VEZT: variants seen among roughly 807,000 people sequenced by gnomAD.
VEZT encodes the protein vezatin, adherens junctions transmembrane protein.
A neutral mutation model predicts 79.9 loss-of-function variants in VEZT; 39 were observed. The ratio of observed to expected loss-of-function variants is 0.49; its 90% CI spans 0.38 to 0.64. VEZT has a LOEUF of 0.64. Among genes scored for constraint, VEZT ranks in the 30% least tolerant of loss-of-function variants. The probability of loss-of-function intolerance (pLI) is 0.00; values close to 1 mark genes in which losing one functional copy is unlikely to be tolerated. For missense variants in VEZT, 837 were observed against 893.1 expected, an observed-to-expected ratio of 0.94 and a Z score of 0.80; for synonymous variants, 325 against 327.6, an observed-to-expected ratio of 0.99 and a Z score of 0.09.
chr12:95,255,223 C>T (rs2063275005), intron 2 of VEZT, among the ~76,000 whole-genome samples: 1 of 151,978 alleles, frequency 6.6e-6, no homozygotes. Context: ...ACCCCCAAAA[C>T]AAACAAACAA....
chr12:95,302,723 G>T lies in VEZT; in HGVS notation c.*2050G>T, dbSNP rs1478413861. 6.6e-6 allele frequency: 1 copy of T among 152,042 alleles called. No homozygotes were observed. The highest frequency in any genetic ancestry group is 1.5e-5 in the Non-Finnish European group (1 of 68,012). The allele number at this position is 152,042 out of a possible 1,614,324, so 9.4% of individuals were successfully genotyped here. Reference sequence around the variant, plus strand: ...GCAAATTTTAGACCATACTCCCAGTGATTCTTAGTTGGTCTTTTTGGAATG... The same window carrying T: ...GCAAATTTTAGACCATACTCCCAGTTATTCTTAGTTGGTCTTTTTGGAATG... On this transcript the variant is annotated 3_prime_UTR_variant, in exon 12 of 12. Coordinates refer to ENST00000436874, the MANE Select transcript of VEZT (RefSeq NM_017599.4).
At chr12:95,257,014 A>C (rs1213057989) in intron 2 of VEZT, 136 bp from the exon 3 acceptor site, 1 of 634,466 alleles carries the variant, frequency 1.6e-6, no homozygotes, top group East Asian at 2.9e-5. Context: ...TGTACTGACA[A>C]GGTATATAAC....
At chr12:95,279,572 G>A (rs1316504088) in intron 7 of VEZT, among the ~76,000 whole-genome samples, 1 of 152,204 alleles carries the variant, frequency 6.6e-6, no homozygotes, top group Non-Finnish European at 1.5e-5. Flanking sequence ...TGGTTTAAGT[G>A]GGTAATGTGA....
At position 95,300,483 on chromosome 12, in the gene VEZT, C is replaced by T. The variant is rs200702135; in HGVS notation, c.2150C>T (p.Ser717Leu). The change falls in exon 12 of 12, where the codon TCA becomes TTA. Residue 717 changes from serine (S) to leucine (L), a missense_variant. Coordinates refer to ENST00000436874, the MANE Select transcript of VEZT (RefSeq NM_017599.4). ...LTTAPPTPRD[S>L]LQPSIKQRLA... Reference sequence around the variant, plus strand: ...ACTGCCCCTCCAACTCCCAGGGACTCATTACAGCCCTCCATTAAGCAGAGG... The same window carrying T: ...ACTGCCCCTCCAACTCCCAGGGACTTATTACAGCCCTCCATTAAGCAGAGG... 10 of 1,613,848 alleles carry T rather than the reference C, an allele frequency of 6.2e-6. No homozygotes were observed. Among genetic ancestry groups the T allele is most frequent in the Middle Eastern group, 1.6e-4 (1 of 6,084 alleles).
intron 11 of VEZT, chr12:95,296,687 A>T (rs1357626979): frequency 6.5e-6 from 1 of 153,890 alleles, no homozygotes; most frequent in Non-Finnish European, 1.4e-5. Context: ...TGCTTGTAAT[A>T]TCAGCACGTT....
Position 95,302,491 on chromosome 12 carries a change from CAT to C in VEZT, c.*1820_*1821del, listed in dbSNP as rs2075317694. On this transcript the variant is annotated 3_prime_UTR_variant, in exon 12 of 12. Transcript: ENST00000436874. ...AAAACTCTACTTGTTGAAATTATGA[CAT>C]AAAGATCTTGCAGCTTTATTTGAGT... The C allele has an allele frequency of 6.6e-6, 1 of 152,110 alleles. No individual in the cohort carries two copies. The highest frequency in any genetic ancestry group is 2.1e-4 in the South Asian group (1 of 4,824). 9.4% of individuals were successfully genotyped at this position (152,110 alleles called of 1,614,324 possible).
chr12:95,290,430 C>T (rs563073423), intron 9 of VEZT, among the ~76,000 whole-genome samples: 1 of 152,258 alleles, frequency 6.6e-6, no homozygotes, highest in East Asian at 1.9e-4. Context: ...CTGTTACATC[C>T]ATCCATACAG....
chr12:95,249,300 G>GT (rs1057036575), intron 1 of VEZT, among the ~76,000 whole-genome samples: 30 of 151,740 alleles, frequency 2.0e-4, no homozygotes, highest in African/African-American at 3.6e-4. Flanking sequence ...TAAAAACAAT[G>GT]TTTTTTTTTA....
chr12:95,238,143 A>G (rs1158125093), intron 1 of VEZT, among the ~76,000 whole-genome samples: 1 of 152,202 alleles, frequency 6.6e-6, no homozygotes, highest in Non-Finnish European at 1.5e-5. Flanking sequence ...AATTTTTCTC[A>G]AAGAGACAAT....
intron 6 of VEZT, among the ~76,000 whole-genome samples, chr12:95,274,011 C>T (rs2067141599): frequency 6.6e-6 from 1 of 152,124 alleles, no homozygotes; most frequent in African/African-American, 2.4e-5. Context: ...ATAGAACAGG[C>T]CTGGTGCCAC....
intron 4 of VEZT, chr12:95,263,915 G>A (rs1390478820): frequency 6.6e-6 from 1 of 151,976 alleles, no homozygotes; most frequent in Admixed American, 6.6e-5. Flanking sequence ...GTCTAGAGCA[G>A]AAGTCCCAAG....
At chr12:95,276,261 T>C (rs989303505) in intron 7 of VEZT, among the ~76,000 whole-genome samples, 1 of 28,330 alleles carries the variant, frequency 3.5e-5, no homozygotes, top group African/African-American at 2.0e-4. Context: ...ATTTTTTTCT[T>C]TTTTTTTTTT....
At chr12:95,241,117 C>T (rs1477192511) in intron 1 of VEZT, among the ~76,000 whole-genome samples, 9 of 152,108 alleles carry the variant, frequency 5.9e-5, no homozygotes, top group African/African-American at 7.2e-5. Flanking sequence ...CTGCAGCCTC[C>T]GCCTCCCGGG....
chr12:95,279,750 C>G (rs1421904767), intron 7 of VEZT, among the ~76,000 whole-genome samples: 2 of 152,134 alleles, frequency 1.3e-5, no homozygotes, highest in African/African-American at 2.4e-5. Context: ...TGCCACCATG[C>G]CTGACTAATT....
At chr12:95,227,180 T>C (rs982414253) in intron 1 of VEZT, among the ~76,000 whole-genome samples, 2 of 152,158 alleles carry the variant, frequency 1.3e-5, no homozygotes, top group African/African-American at 2.4e-5. Context: ...AACTGTTTTT[T>C]AGACAGGGTC....
chr12:95,247,919 T>C (rs2061937905), intron 1 of VEZT, among the ~76,000 whole-genome samples: 1 of 152,198 alleles, frequency 6.6e-6, no homozygotes, highest in Admixed American at 6.5e-5. Context: ...ATATGAAATA[T>C]AATAGTAGAT....
At chr12:95,240,445 A>G (rs989770802) in intron 1 of VEZT, among the ~76,000 whole-genome samples, 5 of 152,210 alleles carry the variant, frequency 3.3e-5, no homozygotes, top group African/African-American at 7.2e-5. Flanking sequence ...TAGCTCAGCT[A>G]TTCTTAAAGT....
intron 8 of VEZT, chr12:95,286,484 G>C (rs2070915750): frequency 1.8e-6 from 1 of 552,488 alleles, no homozygotes; most frequent in African/African-American, 1.9e-5. Flanking sequence ...ATTCTTTCAG[G>C]ATCAAGACCT....
chr12:95,270,146 A>G lies in VEZT; in HGVS notation c.806A>G (p.Asn269Ser), dbSNP rs1278216581. 4 of 1,610,930 alleles carry G rather than the reference A, an allele frequency of 2.5e-6. No individual in the cohort carries two copies. Among genetic ancestry groups the G allele is most frequent in the Non-Finnish European group, 3.4e-6 (4 of 1,178,684 alleles). The stretch of plus-strand genomic sequence containing the variant: ...GCTGTCTACCGAACTCTAAGAGCCA[A>G]CTTCCAAGCAGCAAGGCTAGCTACC... ...RKAVYRTLRA[N>S]FQAARLATLY... Residue 269 changes from asparagine (N) to serine (S), a missense_variant, in exon 6 of 12, where the codon AAC becomes AGC. Transcript: ENST00000436874.
Sources: allele counts gnomAD v4.1 joint callset (sites outside exome capture counted in the v4.1 genomes callset), GRCh38; gene constraint gnomAD v4.1.1; transcripts MANE v1.5; gene names NCBI Gene and HGNC (gene_info 2026-07-23, HGNC 2026-07-21).